Variants in AGAP1 observed in about 807,000 individuals in gnomAD.
The protein encoded by AGAP1 is ArfGAP with GTPase domain, ankyrin repeat and PH domain 1.
A neutral mutation model predicts 105.3 loss-of-function variants in AGAP1; 29 were observed. The observed-to-expected ratio is 0.28, with a 90% CI of 0.21 to 0.38. AGAP1 has a LOEUF of 0.38. Ranked by LOEUF, AGAP1 falls within the 10% of genes least tolerant of loss-of-function variation. AGAP1 has a pLI of 1.00. For missense variants in AGAP1, 998 were observed against 1,165.1 expected (o/e 0.86, Z 2.09); for synonymous variants, 509 against 485.9 (o/e 1.05, Z -0.63).
chr2:235,670,101 T>C, intron 1 of AGAP1: 1 of 495,544 alleles, frequency 2.0e-6, no homozygotes, highest in Non-Finnish European at 3.6e-6. Flanking sequence ...GCGGGCGACA[T>C]GTACTTGTTG....
At chr2:235,797,575 C>T (rs776309815) in intron 6 of AGAP1, among the ~76,000 whole-genome samples, 184 bp from the exon 7 acceptor site, 21 of 149,476 alleles carry the variant, frequency 1.4e-4, no homozygotes, top group Non-Finnish European at 2.4e-4. Context: ...GGTGGGGGGA[C>T]GGGAGGAGGC....
At chr2:235,677,315 A>AT (rs1395731891) in intron 1 of AGAP1, among the ~76,000 whole-genome samples, 1 of 152,208 alleles carries the variant, frequency 6.6e-6, no homozygotes, top group Non-Finnish European at 1.5e-5. Context: ...GGGTCAGAAG[A>AT]TGAGAGTCCT....
intron 12 of AGAP1, among the ~76,000 whole-genome samples, chr2:235,939,651 C>T (rs1256672081): frequency 6.6e-6 from 1 of 152,158 alleles, no homozygotes; most frequent in African/African-American, 2.4e-5. Flanking sequence ...TCCAACACTG[C>T]TCTCATCCAC....
Position 235,900,319 on chromosome 2 carries a change from G to C in AGAP1, c.1156-8419G>C, listed in dbSNP as rs2051007103. Among the ~76,000 whole-genome samples the C allele has an allele frequency of 6.6e-6, 1 of 151,918 alleles. No homozygotes were observed. The highest frequency in any genetic ancestry group is 2.4e-5 in the African/African-American group (1 of 41,350). On this transcript the variant is annotated intron_variant, in intron 10 of 17. Transcript: ENST00000304032. The surrounding 1 kb of genome is among the most constrained non-coding windows in gnomAD (Gnocchi z 5.5). ...AACACTGTAACTTCCTTCTTAGCCTGTTGACTTTGAGGTAGGAGGAGCCCA... is the reference window on the plus strand; with the variant it reads ...AACACTGTAACTTCCTTCTTAGCCTCTTGACTTTGAGGTAGGAGGAGCCCA...
Position 235,810,040 on chromosome 2 carries a change from A to C in AGAP1, c.1050+2709A>C, listed in dbSNP as rs140458418. Among the ~76,000 whole-genome samples the C allele has an allele frequency of 4.8e-3, 727 of 152,284 alleles. 6 individuals are homozygous for C. The highest frequency in any genetic ancestry group is 0.015 in the East Asian group (79 of 5,182). On this transcript the variant is annotated intron_variant, in intron 9 of 17. Transcript: ENST00000304032. ...ATTCGGACCAGGCCTCTCTGCCCCT[A>C]TGTCTGCGCTCTCTCCACTGCCCAT... is the stretch of plus-strand genomic sequence containing the variant.
At chr2:235,668,028 G>A (rs1346535660) in intron 1 of AGAP1, among the ~76,000 whole-genome samples, 1 of 150,500 alleles carries the variant, frequency 6.6e-6, no homozygotes, top group Non-Finnish European at 1.5e-5. Flanking sequence ...TTCTGTCTTG[G>A]AGACCCCTCC....
At chr2:235,802,940 T>C (rs1340017271) in intron 8 of AGAP1, among the ~76,000 whole-genome samples, 11 of 26,046 alleles carry the variant, frequency 4.2e-4, no homozygotes, top group Non-Finnish European at 8.3e-4. Context: ...TTATGATGGT[T>C]GTAATGGTGG....
At chr2:235,829,201 TCCCCTGG>T (rs972134171) in intron 9 of AGAP1, among the ~76,000 whole-genome samples, 1 of 152,240 alleles carries the variant, frequency 6.6e-6, no homozygotes, top group Non-Finnish European at 1.5e-5. Flanking sequence ...CCTCTGTGCA[TCCCCTGG>T]CCCCTGGCCT....
At chr2:235,856,113 C>A (rs1294868126) in intron 9 of AGAP1, among the ~76,000 whole-genome samples, 1 of 152,086 alleles carries the variant, frequency 6.6e-6, no homozygotes, top group Non-Finnish European at 1.5e-5. Context: ...GGGGTTTCAT[C>A]ATATTGGCCA....
Position 235,753,668 on chromosome 2 carries a change from T to G in AGAP1, c.673+3180T>G, listed in dbSNP as rs1328338115. On this transcript the variant is annotated intron_variant, in intron 6 of 17. Coordinates refer to ENST00000304032, the MANE Select transcript of AGAP1 (RefSeq NM_001037131.3). This position sits in a 1 kb window ranked among gnomAD's most constrained non-coding sequence, Gnocchi z 4.5. ...TTGCAGTCAGCTGAGATTGCACAAT[T>G]GCGCTCCATCCTGGGTGACAGAGCG... 6.6e-6 allele frequency among the ~76,000 whole-genome samples: 1 copy of G among 151,230 alleles called. No individual in the cohort carries two copies. The highest frequency in any genetic ancestry group is 1.5e-5 in the Non-Finnish European group (1 of 67,920).
chr2:235,594,458 C>A (rs966838395), intron 1 of AGAP1, among the ~76,000 whole-genome samples: 2 of 152,018 alleles, frequency 1.3e-5, no homozygotes, highest in Non-Finnish European at 2.9e-5. Context: ...GGCTTTCTTT[C>A]TTCTGTCCTT....
At chr2:235,923,067 G>A (rs1019089859) in intron 11 of AGAP1, among the ~76,000 whole-genome samples, 10 of 152,144 alleles carry the variant, frequency 6.6e-5, no homozygotes, top group South Asian at 2.1e-4. Flanking sequence ...CCTGCTAATC[G>A]GGGCGAGTAC....
rs545923763 is a variant in AGAP1, at chr2:235,557,741, G to A, written c.163+62892G>A. On this transcript the variant is annotated intron_variant, in intron 1 of 17. Coordinates refer to ENST00000304032, the MANE Select transcript of AGAP1 (RefSeq NM_001037131.3). This position sits in a 1 kb window ranked among gnomAD's most constrained non-coding sequence, Gnocchi z 4.7. ...CCCCAGAGTGGGCACTTCAGGTCCC[G>A]CTCCATGGCCGTGTGCACCTTCATG... Among the ~76,000 whole-genome samples, 21 of 152,250 alleles carry A rather than the reference G, an allele frequency of 1.4e-4. No homozygotes were observed. Among genetic ancestry groups the A allele is most frequent in the Admixed American group, 3.3e-4 (5 of 15,308 alleles).
In AGAP1 at chr2:235,737,381, T is replaced by C. The variant is rs1425099483; in HGVS notation, c.311-3582T>C. ...CTGTATCTGCCGGGGGAATGTAAAC[T>C]GACTTTAGGATTCGAAGAGACCTTG... is the stretch of plus-strand genomic sequence containing the variant. On this transcript the variant is annotated intron_variant, in intron 3 of 17. Transcript: ENST00000304032. This position sits in a 1 kb window ranked among gnomAD's most constrained non-coding sequence, Gnocchi z 4.5. Among the ~76,000 whole-genome samples, 1 of 152,228 alleles carries C rather than the reference T, an allele frequency of 6.6e-6. No individual in the cohort carries two copies. The highest frequency in any genetic ancestry group is 2.4e-5 in the African/African-American group (1 of 41,470).
At chr2:235,525,314 G>A (rs193056701) in intron 1 of AGAP1, among the ~76,000 whole-genome samples, 125 of 124,824 alleles carry the variant, frequency 1.0e-3, no homozygotes, top group Non-Finnish European at 1.7e-3. Context: ...GTGGAGGACT[G>A]ATACATAATG....
At chr2:235,593,551 A>C (rs967086976) in intron 1 of AGAP1, among the ~76,000 whole-genome samples, 1 of 152,142 alleles carries the variant, frequency 6.6e-6, no homozygotes, top group Non-Finnish European at 1.5e-5. Flanking sequence ...ATGCCTGCCA[A>C]CTCTACAACT....
At chr2:236,064,051 C>T (rs1351266731) in intron 16 of AGAP1, among the ~76,000 whole-genome samples, 2 of 152,192 alleles carry the variant, frequency 1.3e-5, no homozygotes, top group East Asian at 3.9e-4. Context: ...TGTCTTCATG[C>T]TGATCCTTGC....
rs1481283151 is a variant in AGAP1 at position 236,096,674 on chromosome 2, G to T, written c.2115-23518G>T. On this transcript the variant is annotated intron_variant, in intron 16 of 17. Coordinates refer to ENST00000304032, the MANE Select transcript of AGAP1 (RefSeq NM_001037131.3). The surrounding 1 kb of genome is among the most constrained non-coding windows in gnomAD (Gnocchi z 4.4). ...TCTCACTGCAACCTCTGCCTCCCCG[G>T]TTCAAGTGATTCTTCTGCCTCGGCC... 1.3e-5 allele frequency among the ~76,000 whole-genome samples: 2 copies of T among 152,016 alleles called. No homozygotes were observed. Among genetic ancestry groups the T allele is most frequent in the South Asian group, 2.1e-4 (1 of 4,806 alleles).
Position 235,951,413 on chromosome 2 carries a change from A to G in AGAP1, c.1484-17049A>G, listed in dbSNP as rs2053735449. On this transcript the variant is annotated intron_variant, in intron 12 of 17. Transcript: ENST00000304032. This position sits in a 1 kb window ranked among gnomAD's most constrained non-coding sequence, Gnocchi z 4.2. ...GTCATCGTGAGACAGAGTAGCATGG[A>G]ACTGAAAAATGTGTAGCAGGTTTTC... is the stretch of plus-strand genomic sequence containing the variant. 6.6e-6 allele frequency among the ~76,000 whole-genome samples: 1 copy of G among 152,242 alleles called. No individual in the cohort carries two copies. Among genetic ancestry groups the G allele is most frequent in the South Asian group, 2.1e-4 (1 of 4,832 alleles).
Sources: allele counts gnomAD v4.1 joint callset (sites outside exome capture counted in the v4.1 genomes callset), GRCh38; gene constraint gnomAD v4.1.1; non-coding constraint Gnocchi (gnomAD v3.1); transcripts MANE v1.5; gene names NCBI Gene and HGNC (gene_info 2026-07-23, HGNC 2026-07-21).